The following FAT3 variants were observed in gnomAD, a reference collection of about 807,000 sequenced individuals.
FAT3 encodes the protein protocadherin Fat 3.
Under a neutral mutation model 310.2 loss-of-function variants are expected in FAT3, and 95 were observed. That is an observed-to-expected ratio of 0.31 (90% CI 0.26 to 0.36). The LOEUF is 0.36. Ranked by LOEUF, FAT3 falls within the 10% of genes least tolerant of loss-of-function variation. FAT3 has a pLI of 1.00. For synonymous variants in FAT3, 2,314 were observed against 2,192.9 expected, an observed-to-expected ratio of 1.06 and a Z score of -1.54; for missense variants, 5,408 against 5,715.6, an observed-to-expected ratio of 0.95 and a Z score of 1.74.
rs71064714 is a variant in FAT3, at chr11:92,486,130, G to GTTTTTTTTTTTTTTTTTTTT, written c.3293-38495_3293-38476dup. 1.1e-3 allele frequency among the ~76,000 whole-genome samples: 42 copies of GTTTTTTTTTTTTTTTTTTTT among 37,142 alleles called. 4 individuals are homozygous for GTTTTTTTTTTTTTTTTTTTT. Among genetic ancestry groups the GTTTTTTTTTTTTTTTTTTTT allele is most frequent in the East Asian group, 1.5e-3 (1 of 676 alleles). 24.4% of individuals were successfully genotyped at this position (37,142 alleles called of 152,430 possible). ...GTGAAATAGAGGAGAGGCTGCTGGG[G>GTTTTTTTTTTTTTTTTTTTT]TTTTTTTTTTTTTTTTTTTTTTTTT... is the stretch of plus-strand genomic sequence containing the variant. On this transcript the variant is annotated intron_variant, in intron 2 of 27. Transcript: ENST00000525166.
At chr11:92,553,613 C>A (rs1431568148) in intron 3 of FAT3, among the ~76,000 whole-genome samples, 1 of 152,152 alleles carries the variant, frequency 6.6e-6, no homozygotes, top group Admixed American at 6.5e-5. Flanking sequence ...ACACTGGGAG[C>A]AGACCTAAAC....
intron 1 of FAT3, among the ~76,000 whole-genome samples, chr11:92,226,776 CCCG>C (rs1409396172): frequency 6.6e-6 from 1 of 152,224 alleles, no homozygotes; most frequent in South Asian, 2.1e-4. Context: ...CCAGCTCCAT[CCCG>C]CCGCCGCCGC....
chr11:92,822,251 T>C (rs773856904), intron 13 of FAT3, among the ~76,000 whole-genome samples: 2 of 151,950 alleles, frequency 1.3e-5, no homozygotes, highest in Non-Finnish European at 2.9e-5. Flanking sequence ...CAGTTGATCA[T>C]AGTGGTTCTT....
At chr11:92,864,342 A>G (rs948854890) in intron 21 of FAT3, among the ~76,000 whole-genome samples, 1 of 152,210 alleles carries the variant, frequency 6.6e-6, no homozygotes, top group African/African-American at 2.4e-5. Context: ...TAAAAACAGC[A>G]GGTGGACTGT....
At chr11:92,746,060 C>T (rs537147284) in intron 4 of FAT3, among the ~76,000 whole-genome samples, 1 of 152,334 alleles carries the variant, frequency 6.6e-6, no homozygotes, top group South Asian at 2.1e-4. Flanking sequence ...TTCCATGGAT[C>T]AGAGCATTTT....
intron 4 of FAT3, among the ~76,000 whole-genome samples, chr11:92,740,029 G>C (rs1945460916): frequency 6.6e-6 from 1 of 152,120 alleles, no homozygotes; most frequent in African/African-American, 2.4e-5. Flanking sequence ...CACTAAATGA[G>C]CAGTGAGAAT....
At chr11:92,525,511 A>C (rs888740445) in intron 3 of FAT3, among the ~76,000 whole-genome samples, 5 of 152,188 alleles carry the variant, frequency 3.3e-5, no homozygotes, top group African/African-American at 7.2e-5. Flanking sequence ...TTGTAATGAA[A>C]ACTTAATTGG....
chr11:92,272,507 A>G (rs1445031940), intron 1 of FAT3, among the ~76,000 whole-genome samples: 5 of 152,088 alleles, frequency 3.3e-5, no homozygotes, highest in African/African-American at 1.2e-4. Context: ...CTTCTAATGA[A>G]TAATATAATA....
chr11:92,596,219 T>C (rs1311104512), intron 3 of FAT3, among the ~76,000 whole-genome samples: 8 of 152,140 alleles, frequency 5.3e-5, no homozygotes, highest in Non-Finnish European at 1.2e-4. Flanking sequence ...CACCATTGCG[T>C]TATCTGTAGA....
intron 4 of FAT3, among the ~76,000 whole-genome samples, chr11:92,752,067 G>C (rs1399329843): frequency 6.6e-6 from 1 of 152,104 alleles, no homozygotes; most frequent in Non-Finnish European, 1.5e-5. Context: ...TTTAGACCAG[G>C]AGTCAGCAAA....
chr11:92,708,311 C>A (rs1944419353), intron 4 of FAT3, among the ~76,000 whole-genome samples: 1 of 152,194 alleles, frequency 6.6e-6, no homozygotes. Context: ...TTATAAGACA[C>A]TGTCCTAATT....
At chr11:92,754,330 A>G (rs1945917876) in intron 4 of FAT3, among the ~76,000 whole-genome samples, 2 of 151,980 alleles carry the variant, frequency 1.3e-5, no homozygotes, top group South Asian at 4.1e-4. Context: ...TCAGCCTTTA[A>G]AAAGAAGGAA....
intron 2 of FAT3, among the ~76,000 whole-genome samples, chr11:92,501,338 G>C (rs575196115): frequency 1.4e-4 from 21 of 152,196 alleles, no homozygotes; most frequent in African/African-American, 4.1e-4. Flanking sequence ...ATGCAATTCT[G>C]TTTTAATTGT....
chr11:92,376,102 A>G (rs137985130), intron 2 of FAT3, among the ~76,000 whole-genome samples: 1 of 152,312 alleles, frequency 6.6e-6, no homozygotes, highest in East Asian at 1.9e-4. Flanking sequence ...GAAAAACACA[A>G]ATAAATAGAA....
chr11:92,356,301 T>C (rs1442506461), intron 2 of FAT3, among the ~76,000 whole-genome samples: 1 of 152,198 alleles, frequency 6.6e-6, no homozygotes, highest in Non-Finnish European at 1.5e-5. Context: ...GCCTGTGTCT[T>C]CCCTGTCTTG....
At chr11:92,566,635 C>G (rs1955459280) in intron 3 of FAT3, among the ~76,000 whole-genome samples, 1 of 151,268 alleles carries the variant, frequency 6.6e-6, no homozygotes, top group South Asian at 2.1e-4. Context: ...TGACTTCAAA[C>G]TATACTACAA....
intron 13 of FAT3, among the ~76,000 whole-genome samples, chr11:92,816,477 C>T (rs917083827): frequency 2.0e-5 from 3 of 152,334 alleles, no homozygotes; most frequent in East Asian, 3.9e-4. Flanking sequence ...GAAGGAGTCC[C>T]TCAGGCTGGC....
chr11:92,621,159 T>C (rs1941067038), intron 3 of FAT3, among the ~76,000 whole-genome samples: 1 of 152,190 alleles, frequency 6.6e-6, no homozygotes, highest in African/African-American at 2.4e-5. Flanking sequence ...AACTCCCTCC[T>C]TAAATTTTGA....
chr11:92,558,402 ATGTG>A lies in FAT3; in HGVS notation c.3607+33472_3607+33475del, dbSNP rs58362077. ...ATTCATATGTGCACGTGTTGTGTTT[ATGTG>A]TGTGTGTGTGTGTGTGTATGCACGT... On this transcript the variant is annotated intron_variant, in intron 3 of 27. Coordinates refer to ENST00000525166, the MANE Select transcript of FAT3 (RefSeq NM_001367949.2). Among the ~76,000 whole-genome samples, 82 of 150,140 alleles carry A rather than the reference ATGTG, an allele frequency of 5.5e-4. 1 individual carries two copies. In the East Asian group the frequency reaches 6.0e-3, roughly 11 times the overall value.
Sources: allele counts gnomAD v4.1 joint callset (sites outside exome capture counted in the v4.1 genomes callset), GRCh38; gene constraint gnomAD v4.1.1; transcripts MANE v1.5; gene names NCBI Gene and HGNC (gene_info 2026-07-23, HGNC 2026-07-21).